The following APOLD1 variants were observed in gnomAD, a reference collection of about 807,000 sequenced individuals.
APOLD1 encodes the protein apolipoprotein L domain containing 1, also known as apolipoprotein L domain-containing protein 1.
APOLD1 carries 22 observed loss-of-function variants against 15.3 expected under a neutral mutation model. The observed-to-expected ratio is 1.44, with a 90% CI of 1.03 to 2.05. APOLD1 has a LOEUF of 2.05. Among genes scored for constraint, APOLD1 ranks in the 30% most tolerant of loss-of-function variants. The pLI is 0.00. For synonymous variants in APOLD1, 190 were observed against 167.4 expected (o/e 1.13, Z -1.04); for missense variants, 394 against 353.5 (o/e 1.11, Z -0.92).
chr12:12,734,304 ACCAGAT>A (rs1946666432), intron 1 of APOLD1, among the ~76,000 whole-genome samples: 1 of 152,250 alleles, frequency 6.6e-6, no homozygotes, highest in Non-Finnish European at 1.5e-5. Flanking sequence ...CTGGGAATTC[ACCAGAT>A]CAACTCCCTG....
chr12:12,759,847 C>G (rs111617222), intron 1 of APOLD1, among the ~76,000 whole-genome samples: 223 of 152,260 alleles, frequency 1.5e-3, no homozygotes, highest in African/African-American at 5.0e-3. Flanking sequence ...GAGGAAGATG[C>G]TAAATTTCTA....
chr12:12,781,519 A>G (rs1382196308), upstream of APOLD1, among the ~76,000 whole-genome samples: 1 of 149,232 alleles, frequency 6.7e-6, no homozygotes, highest in African/African-American at 2.5e-5. Flanking sequence ...CGTAATTATC[A>G]CTTTATCTTT....
intron 1 of APOLD1, among the ~76,000 whole-genome samples, chr12:12,771,903 A>G (rs1267251769): frequency 6.6e-6 from 1 of 152,168 alleles, no homozygotes; most frequent in Non-Finnish European, 1.5e-5. Flanking sequence ...GGCATATTCA[A>G]AAGTGACTCA....
intron 1 of APOLD1, among the ~76,000 whole-genome samples, chr12:12,729,744 C>T (rs1479336144): frequency 6.6e-6 from 1 of 151,762 alleles, no homozygotes; most frequent in Non-Finnish European, 1.5e-5. Context: ...TGCACTCCAG[C>T]CTGGCAGCTC....
intron 1 of APOLD1, among the ~76,000 whole-genome samples, chr12:12,767,159 T>C (rs1411482653): frequency 6.6e-6 from 1 of 151,886 alleles, no homozygotes; most frequent in Non-Finnish European, 1.5e-5. Flanking sequence ...GGCAGGAGAA[T>C]TGCTTGAATT....
intron 1 of APOLD1, among the ~76,000 whole-genome samples, chr12:12,743,751 A>G (rs1946744169): frequency 2.0e-5 from 3 of 152,226 alleles, no homozygotes; most frequent in African/African-American, 7.2e-5. Flanking sequence ...GGTGGACCCA[A>G]TGTAATCACA....
At chr12:12,779,714 A>G (rs1379700071) in intron 1 of APOLD1, among the ~76,000 whole-genome samples, 1 of 152,228 alleles carries the variant, frequency 6.6e-6, no homozygotes, top group East Asian at 1.9e-4. Context: ...TAAGCAAACA[A>G]TGGGATTATT....
intron 1 of APOLD1, among the ~76,000 whole-genome samples, chr12:12,746,514 A>AATACATAAATACATAC (rs1555089069): frequency 8.0e-5 from 12 of 150,692 alleles, no homozygotes; most frequent in African/African-American, 2.9e-4. Context: ...TAAATAAATA[A>AATACATAAATACATAC]ATACATAAAT....
chr12:12,731,096 GCA>G (rs1555087398), intron 1 of APOLD1, among the ~76,000 whole-genome samples: 30 of 152,238 alleles, frequency 2.0e-4, no homozygotes, highest in Non-Finnish European at 3.8e-4. Flanking sequence ...GGCCGAGATC[GCA>G]CCACTGCACT....
chr12:12,746,477 CA>C (rs1161869257), intron 1 of APOLD1, among the ~76,000 whole-genome samples: 8 of 147,420 alleles, frequency 5.4e-5, no homozygotes, highest in African/African-American at 2.1e-4. Context: ...GCCTGGGCAA[CA>C]AGAGTGAAAC....
chr12:12,771,301 T>C (rs970539570), intron 1 of APOLD1: 2 of 189,510 alleles, frequency 1.1e-5, no homozygotes, highest in Non-Finnish European at 2.2e-5. Flanking sequence ...GGTGCTGGGC[T>C]TTTATCTACC....
At chr12:12,726,448 G>A (rs1223261251) in intron 1 of APOLD1, 8 of 315,744 alleles carry the variant, frequency 2.5e-5, no homozygotes, top group Non-Finnish European at 4.4e-5. Flanking sequence ...TTGTAATACA[G>A]GTCTAATGGA....
At chr12:12,726,397 C>G (rs1015805022) in intron 1 of APOLD1, 24 of 465,868 alleles carry the variant, frequency 5.2e-5, no homozygotes, top group African/African-American at 4.8e-4. Context: ...TTTGATAAAG[C>G]GTGTGTACGT....
chr12:12,746,334 T>A (rs11055037), intron 1 of APOLD1, among the ~76,000 whole-genome samples: 51,144 of 151,876 alleles, frequency 0.34, 9,411 homozygotes, highest in African/African-American at 0.5. Context: ...TGTCTCTACA[T>A]AAAATACAAA....
At chr12:12,784,534 G>A (rs947108770), upstream of APOLD1, among the ~76,000 whole-genome samples, 2 of 152,180 alleles carry the variant, frequency 1.3e-5, no homozygotes, top group Non-Finnish European at 2.9e-5. Flanking sequence ...TTGTTATACT[G>A]TGTTGATAAA....
At chr12:12,763,516 G>T (rs570492757) in intron 1 of APOLD1, among the ~76,000 whole-genome samples, 1,796 of 7,722 alleles carry the variant, frequency 0.23, 30 homozygotes, top group South Asian at 0.35. Flanking sequence ...ATTGTGTGTG[G>T]GGGGGGGGAA....
At chr12:12,761,579 TACTC>T (rs910873486) in intron 1 of APOLD1, among the ~76,000 whole-genome samples, 2 of 144,960 alleles carry the variant, frequency 1.4e-5, no homozygotes, top group African/African-American at 2.5e-5. Context: ...CACACACACA[TACTC>T]ACACACAAGG....
rs866581582 is a variant in APOLD1 at position 12,776,025 on chromosome 12, A to C, written c.97-10884A>C. On this transcript the variant is annotated intron_variant, in intron 1 of 1. Coordinates refer to the APOLD1 transcript ENST00000326765. ...TCTCAAAAAAAAAAAAAAAAAAAAAAACACAACAAACAAACAAAACTAAAT... is the reference window on the plus strand; with the variant it reads ...TCTCAAAAAAAAAAAAAAAAAAAAACACACAACAAACAAACAAAACTAAAT... Among the ~76,000 whole-genome samples the C allele has an allele frequency of 8.0e-3, 1,168 of 146,256 alleles. 8 individuals are homozygous for C. The highest frequency in any genetic ancestry group is 0.027 in the African/African-American group (1,060 of 39,936).
intron 1 of APOLD1, among the ~76,000 whole-genome samples, chr12:12,769,476 G>A (rs1381994367): frequency 6.6e-6 from 1 of 152,136 alleles, no homozygotes; most frequent in Non-Finnish European, 1.5e-5. Flanking sequence ...GCTTGGTGTG[G>A]ACAAGTCTGT....
Sources: allele counts gnomAD v4.1 joint callset (sites outside exome capture counted in the v4.1 genomes callset), GRCh38; gene constraint gnomAD v4.1.1; transcripts MANE v1.5; gene names NCBI Gene and HGNC (gene_info 2026-07-23, HGNC 2026-07-21).